Variants in FAM78B observed in about 807,000 individuals in gnomAD.
FAM78B encodes family with sequence similarity 78 member B.
Under a neutral mutation model 20.0 loss-of-function variants are expected in FAM78B, and 10 were observed. The observed-to-expected ratio is 0.50, with a 90% confidence interval of 0.31 to 0.85. The LOEUF (loss-of-function observed/expected upper bound fraction) is 0.85. Among genes scored for constraint, FAM78B ranks in the 40% least tolerant of loss-of-function variants. The pLI is 0.05. For missense variants in FAM78B, 283 were observed against 345.0 expected (o/e 0.82, Z 1.42); for synonymous variants, 135 against 132.8 (o/e 1.02, Z -0.12).
intron 1 of FAM78B, among the ~76,000 whole-genome samples, chr1:166,105,879 T>C (rs1462045543): frequency 4.0e-5 from 6 of 151,712 alleles, no homozygotes; most frequent in African/African-American, 1.5e-4. Flanking sequence ...GGATTATAAA[T>C]CATGCTGCTA....
chr1:166,064,499 T>C (rs547541940), downstream of FAM78B, among the ~76,000 whole-genome samples: 1 of 152,270 alleles, frequency 6.6e-6, no homozygotes, highest in South Asian at 2.1e-4. Flanking sequence ...AAAAGGCCGC[T>C]TGGAGTTCCA....
downstream of FAM78B, among the ~76,000 whole-genome samples, chr1:166,067,236 TGGC>T (rs1651829642): frequency 6.6e-6 from 1 of 152,164 alleles, no homozygotes; most frequent in Non-Finnish European, 1.5e-5. Context: ...GCTCTTCAGC[TGGC>T]TAGGTATACC....
At chr1:166,133,700 G>A (rs972896201) in intron 1 of FAM78B, among the ~76,000 whole-genome samples, 6 of 151,974 alleles carry the variant, frequency 3.9e-5, no homozygotes, top group African/African-American at 1.5e-4. Context: ...TAATTAATTA[G>A]AGCAGGTCTT....
intron 1 of FAM78B, among the ~76,000 whole-genome samples, chr1:166,115,163 T>A (rs1369208174): frequency 1.3e-5 from 2 of 152,134 alleles, no homozygotes; most frequent in African/African-American, 4.8e-5. Flanking sequence ...CTCACAGCAG[T>A]AAACGAAACA....
Position 166,085,614 on chromosome 1 carries a change from C to T in FAM78B, c.264-14851G>A, listed in dbSNP as rs1007067207. On this transcript the variant is annotated intron_variant, in intron 1 of 1. Transcript: ENST00000354422. ...ACCAGGGCAGGTCTGCTGGGCACAG[C>T]GTGTGAGCAGGAGTGCAGGGCACTA... Among the ~76,000 whole-genome samples, 37 of 152,206 alleles carry T rather than the reference C, an allele frequency of 2.4e-4. 1 individual carries two copies. The highest frequency in any genetic ancestry group is 2.9e-5 in the Non-Finnish European group (2 of 68,040).
intron 1 of FAM78B, among the ~76,000 whole-genome samples, chr1:166,071,311 C>T (rs927951807): frequency 3.9e-5 from 6 of 152,200 alleles, no homozygotes; most frequent in Non-Finnish European, 8.8e-5. Context: ...GCCAATTCAT[C>T]GCTTAGGCAT....
intron 1 of FAM78B, among the ~76,000 whole-genome samples, chr1:166,095,068 T>G (rs908807184): frequency 6.6e-5 from 10 of 152,158 alleles, no homozygotes; most frequent in African/African-American, 1.4e-4. Context: ...TCATTAGACC[T>G]GGTCTAATGA....
At chr1:166,073,595 T>C (rs1359089737) in intron 1 of FAM78B, among the ~76,000 whole-genome samples, 2 of 151,918 alleles carry the variant, frequency 1.3e-5, no homozygotes, top group Non-Finnish European at 2.9e-5. Context: ...CTAGTTTATG[T>C]AGCTGATAAA....
At chr1:166,115,665 A>T (rs983497029) in intron 1 of FAM78B, among the ~76,000 whole-genome samples, 3 of 152,182 alleles carry the variant, frequency 2.0e-5, no homozygotes, top group African/African-American at 7.2e-5. Flanking sequence ...ACAAAGAAGG[A>T]GGTGAGTCCA....
chr1:166,065,754 A>G (rs1205498025), downstream of FAM78B, among the ~76,000 whole-genome samples: 1 of 152,106 alleles, frequency 6.6e-6, no homozygotes, highest in Non-Finnish European at 1.5e-5. Context: ...TCAAGATCTC[A>G]AAAGAAATTA....
At chr1:166,060,421 G>A (rs1651539329) in exon 3 of FAM78B, 1 of 404,936 alleles carries the variant, frequency 2.5e-6, no homozygotes. Context: ...AGCTCCCCAT[G>A]GGCCAAGCAG....
chr1:166,153,572 A>G (rs1444002887), intron 1 of FAM78B, among the ~76,000 whole-genome samples: 1 of 152,138 alleles, frequency 6.6e-6, no homozygotes, highest in African/African-American at 2.4e-5. Context: ...ACATAGCCCA[A>G]GAAACATGAG....
intron 1 of FAM78B, among the ~76,000 whole-genome samples, chr1:166,153,303 G>A (rs879648165): frequency 1.3e-5 from 2 of 152,190 alleles, no homozygotes; most frequent in Admixed American, 6.5e-5. Flanking sequence ...GGGATCCAGG[G>A]GTCTGGGGAA....
intron 1 of FAM78B, among the ~76,000 whole-genome samples, chr1:166,131,158 ATT>A (rs1654863514): frequency 6.6e-6 from 1 of 151,644 alleles, no homozygotes. Context: ...CACCCGGCTA[ATT>A]TTTGTATTTT....
chr1:166,097,032 C>A (rs1444627446), intron 1 of FAM78B, among the ~76,000 whole-genome samples: 1 of 152,170 alleles, frequency 6.6e-6, no homozygotes, highest in Non-Finnish European at 1.5e-5. Context: ...GACCACCCCC[C>A]AAAACTGTGA....
intron 1 of FAM78B, among the ~76,000 whole-genome samples, chr1:166,143,905 T>C (rs977050194): frequency 2.6e-5 from 4 of 151,956 alleles, no homozygotes; most frequent in Non-Finnish European, 4.4e-5. Context: ...ACAGTGTGTG[T>C]GAGGGTTGGG....
chr1:166,124,502 C>A (rs535196214), intron 1 of FAM78B, among the ~76,000 whole-genome samples: 2 of 152,180 alleles, frequency 1.3e-5, no homozygotes, highest in Non-Finnish European at 1.5e-5. Flanking sequence ...GTGGAGCTTG[C>A]TTTATTGAAG....
At chr1:166,091,313 T>C (rs1393967285) in intron 1 of FAM78B, among the ~76,000 whole-genome samples, 1 of 152,070 alleles carries the variant, frequency 6.6e-6, no homozygotes, top group Non-Finnish European at 1.5e-5. Context: ...TCATCTTGAT[T>C]TCCTACATAT....
At chr1:166,069,246 T>C (rs1485394508), downstream of FAM78B, among the ~76,000 whole-genome samples, 1 of 152,176 alleles carries the variant, frequency 6.6e-6, no homozygotes, top group East Asian at 1.9e-4. Flanking sequence ...TGTGTGTCTA[T>C]GCATACACGT....
Sources: allele counts gnomAD v4.1 joint callset (sites outside exome capture counted in the v4.1 genomes callset), GRCh38; gene constraint gnomAD v4.1.1; transcripts MANE v1.5; gene names NCBI Gene and HGNC (gene_info 2026-07-23, HGNC 2026-07-21).